PATL2: variants seen among roughly 807,000 people sequenced by gnomAD.
PATL2 encodes PAT1 homolog 2.
A neutral mutation model predicts 77.0 loss-of-function variants in PATL2; 73 were observed. The observed-to-expected ratio is 0.95, with a 90% CI of 0.78 to 1.15. The LOEUF is 1.15. Ranked by LOEUF, PATL2 falls within the 50% of genes most tolerant of loss-of-function variation. PATL2 has a pLI of 0.00. For missense variants in PATL2, 618 were observed against 655.4 expected (o/e 0.94, Z 0.62); for synonymous variants, 265 against 257.1 (o/e 1.03, Z -0.29).
At chr15:44,673,197 A>C (rs1478482786) in intron 7 of PATL2, 38 bp downstream of exon 7, 2 of 1,546,798 alleles carry the variant, frequency 1.3e-6, no homozygotes, top group South Asian at 2.4e-5. Flanking sequence ...CTCAGCCAGC[A>C]CCTCCTGAGA....
At chr15:44,699,652 A>G (rs2086588090) in intron 3 of PATL2, among the ~76,000 whole-genome samples, 1 of 152,248 alleles carries the variant, frequency 6.6e-6, no homozygotes, top group East Asian at 1.9e-4. Flanking sequence ...TTAAGTCTTT[A>G]TTCCATTTTT....
intron 7 of PATL2, 48 bp from the exon 8 acceptor site, chr15:44,672,504 C>T (rs751012783): frequency 1.7e-4 from 254 of 1,496,446 alleles, no homozygotes; most frequent in Non-Finnish European, 2.0e-4. Context: ...GCTCTCAGTT[C>T]TCTGCCCCCT....
chr15:44,693,792 G>A lies in PATL2; in HGVS notation c.-76+16304C>T, dbSNP rs185434613. Among the ~76,000 whole-genome samples the A allele has an allele frequency of 5.3e-5, 8 of 151,236 alleles. No individual in the cohort carries two copies. The South Asian group carries it at 6.3e-4, about 12-fold the overall frequency. Reference sequence around the variant, plus strand: ...ACTGCAACCTTGGCTCACTTCAATCGCACTTCAAGCGGTTTTCCTGCCTCA... The same window carrying A: ...ACTGCAACCTTGGCTCACTTCAATCACACTTCAAGCGGTTTTCCTGCCTCA... On this transcript the variant is annotated intron_variant, in intron 3 of 17. Transcript: ENST00000682850.
intron 16 of PATL2, 26 bp from the exon 17 acceptor site, chr15:44,666,567 G>A (rs1267112112): frequency 1.3e-6 from 2 of 1,485,776 alleles, no homozygotes. Context: ...ATAAATATAA[G>A]CAAATAGATT....
intron 3 of PATL2, among the ~76,000 whole-genome samples, chr15:44,706,938 C>T (rs2086749824): frequency 6.6e-6 from 1 of 152,204 alleles, no homozygotes; most frequent in Non-Finnish European, 1.5e-5. Context: ...CTCTATTGCA[C>T]TGAGGCTGAA....
chr15:44,710,688 G>T (rs1013677972), intron 2 of PATL2, among the ~76,000 whole-genome samples, 183 bp downstream of exon 2: 1 of 151,898 alleles, frequency 6.6e-6, no homozygotes, highest in African/African-American at 2.4e-5. Context: ...CCATCCATTC[G>T]TTCATTCGGT....
intron 3 of PATL2, among the ~76,000 whole-genome samples, chr15:44,685,062 C>T (rs1003935658): frequency 6.6e-6 from 1 of 152,166 alleles, no homozygotes; most frequent in East Asian, 1.9e-4. Context: ...GATTTTGTCA[C>T]CAACAGGCCT....
At chr15:44,708,852 T>C (rs1002277511) in intron 3 of PATL2, among the ~76,000 whole-genome samples, 6 of 152,200 alleles carry the variant, frequency 3.9e-5, no homozygotes, top group Non-Finnish European at 7.3e-5. Flanking sequence ...CTGGATATTA[T>C]GGCCAGTGTA....
intron 3 of PATL2, among the ~76,000 whole-genome samples, chr15:44,704,010 T>C (rs886156925): frequency 6.6e-6 from 1 of 151,756 alleles, no homozygotes; most frequent in Non-Finnish European, 1.5e-5. Context: ...TTTTTTGAGA[T>C]GGGGATCTCG....
intron 3 of PATL2, among the ~76,000 whole-genome samples, chr15:44,688,179 G>A (rs1595981024): frequency 1.3e-5 from 2 of 149,954 alleles, no homozygotes; most frequent in East Asian, 3.9e-4. Context: ...CCGGGAGGCA[G>A]AGCTTGCAGT....
At chr15:44,685,995 TCAA>T (rs1158653998) in intron 3 of PATL2, among the ~76,000 whole-genome samples, 2 of 152,136 alleles carry the variant, frequency 1.3e-5, no homozygotes, top group Non-Finnish European at 2.9e-5. Flanking sequence ...ATTAGACAGA[TCAA>T]CGAGACAGAA....
chr15:44,668,563 C>T (rs907310619), intron 14 of PATL2, 81 bp from the exon 15 acceptor site: 23 of 1,490,820 alleles, frequency 1.5e-5, no homozygotes, highest in African/African-American at 2.8e-5. Flanking sequence ...TCCCTTCCCT[C>T]GCTGACCTGT....
intron 3 of PATL2, among the ~76,000 whole-genome samples, chr15:44,695,873 T>C (rs2086493203): frequency 6.6e-6 from 1 of 152,114 alleles, no homozygotes; most frequent in Non-Finnish European, 1.5e-5. Flanking sequence ...TCCTCACAGT[T>C]GTTTTAGGGG....
intron 3 of PATL2, among the ~76,000 whole-genome samples, chr15:44,706,082 G>C (rs2141273504): frequency 6.6e-6 from 1 of 152,262 alleles, no homozygotes; most frequent in African/African-American, 2.4e-5. Flanking sequence ...TTACAGGTGT[G>C]AGCCACCGTG....
intron 3 of PATL2, among the ~76,000 whole-genome samples, chr15:44,697,725 C>G (rs1320283641): frequency 6.6e-6 from 1 of 152,062 alleles, no homozygotes; most frequent in Admixed American, 6.6e-5. Flanking sequence ...GAGTTATTTT[C>G]TAGCGGAAAG....
At position 44,672,037 on chromosome 15, in the gene PATL2, C is replaced by T. The variant is rs1388635954; in HGVS notation, c.635G>A (p.Arg212His). ...CACCTGGTAATAGTAGTCATCCAGG[C>T]GGGGTTTTGCACTCTGCAGCTGCAC... ...QMVQLQSAKP[R>H]LDDYYYQEYY... is the part of the protein sequence containing the mutation. Residue 212 changes from arginine (R) to histidine (H), a missense_variant, in exon 9 of 18, where the codon CGC becomes CAC. By Grantham distance (29) the Arg-to-His change is conservative. Transcript: ENST00000682850. 22 of 1,551,672 alleles carry T rather than the reference C, an allele frequency of 1.4e-5. No homozygotes were observed. Among genetic ancestry groups the T allele is most frequent in the Middle Eastern group, 1.7e-4 (1 of 5,992 alleles).
At chr15:44,702,616 G>A (rs1202886308) in intron 3 of PATL2, among the ~76,000 whole-genome samples, 1 of 151,712 alleles carries the variant, frequency 6.6e-6, no homozygotes, top group Non-Finnish European at 1.5e-5. Context: ...CTTTTTTAAT[G>A]TAGGTGCTTA....
At chr15:44,677,483 G>C (rs1240449265) in intron 3 of PATL2, among the ~76,000 whole-genome samples, 3 of 152,130 alleles carry the variant, frequency 2.0e-5, no homozygotes, top group Non-Finnish European at 4.4e-5. Context: ...ATGGCAAACT[G>C]GTCCAGAAGC....
chr15:44,689,776 G>T (rs947472134), intron 3 of PATL2, among the ~76,000 whole-genome samples: 1 of 152,050 alleles, frequency 6.6e-6, no homozygotes, highest in Non-Finnish European at 1.5e-5. Context: ...CTGGTTGATG[G>T]GTGCAGCAAA....
Sources: allele counts gnomAD v4.1 joint callset (sites outside exome capture counted in the v4.1 genomes callset), GRCh38; gene constraint gnomAD v4.1.1; transcripts MANE v1.5; gene names NCBI Gene and HGNC (gene_info 2026-07-23, HGNC 2026-07-21).